TMEM132C: variants seen among roughly 807,000 people sequenced by gnomAD.
The protein encoded by TMEM132C is protein phosphatase 1, regulatory subunit 152.
In TMEM132C, 29 loss-of-function variants were observed where a neutral mutation model predicts 61.4. The observed-to-expected ratio is 0.47, with a 90% CI of 0.35 to 0.64. TMEM132C has a LOEUF of 0.64. Among genes scored for constraint, TMEM132C ranks in the 30% least tolerant of loss-of-function variants. The pLI is 0.00. For missense variants in TMEM132C, 1,408 were observed against 1,476.9 expected, an observed-to-expected ratio of 0.95 and a Z score of 0.76; for synonymous variants, 656 against 633.1, an observed-to-expected ratio of 1.04 and a Z score of -0.54.
chr12:128,306,707 T>C (rs1025142736), intron 1 of TMEM132C, among the ~76,000 whole-genome samples: 6 of 152,236 alleles, frequency 3.9e-5, no homozygotes, highest in African/African-American at 1.4e-4. Context: ...AAGAGACCTT[T>C]GTCCACTTCC....
intron 3 of TMEM132C, among the ~76,000 whole-genome samples, chr12:128,593,743 A>T (rs1178718424): frequency 1.3e-5 from 2 of 152,074 alleles, no homozygotes; most frequent in African/African-American, 4.8e-5. Flanking sequence ...CACTCATTCC[A>T]CCAGGTTCCA....
At chr12:128,408,557 T>G (rs1616501) in intron 1 of TMEM132C, among the ~76,000 whole-genome samples, 72,714 of 152,056 alleles carry the variant, frequency 0.48, 17,839 homozygotes, top group South Asian at 0.74. Context: ...AGATGTGGCT[T>G]TTGGTTTTTA....
chr12:128,365,980 C>A (rs1345022058), intron 1 of TMEM132C, among the ~76,000 whole-genome samples: 1 of 152,200 alleles, frequency 6.6e-6, no homozygotes, highest in Non-Finnish European at 1.5e-5. Context: ...TGAAAGCCAC[C>A]CACTGCTGTA....
At chr12:128,480,739 C>G (rs912126819) in intron 2 of TMEM132C, among the ~76,000 whole-genome samples, 5 of 152,158 alleles carry the variant, frequency 3.3e-5, no homozygotes, top group African/African-American at 1.2e-4. Flanking sequence ...ACCTGAACAG[C>G]CTCCCCCTGG....
At chr12:128,497,765 C>T (rs1471867825) in intron 2 of TMEM132C, among the ~76,000 whole-genome samples, 1 of 152,174 alleles carries the variant, frequency 6.6e-6, no homozygotes, top group Non-Finnish European at 1.5e-5. Flanking sequence ...AATTCCCTGA[C>T]CCCTTGCGCT....
chr12:128,604,535 T>C (rs1593116915), intron 3 of TMEM132C, among the ~76,000 whole-genome samples: 1 of 149,852 alleles, frequency 6.7e-6, no homozygotes, highest in Admixed American at 6.6e-5. Context: ...GGATGGAAGA[T>C]AGATAGATAG....
At chr12:128,617,475 C>T (rs35784793) in intron 4 of TMEM132C, among the ~76,000 whole-genome samples, 50,138 of 152,078 alleles carry the variant, frequency 0.33, 8,435 homozygotes, top group East Asian at 0.4. Flanking sequence ...GGATGTGTTG[C>T]TCTGATTGGC....
intron 2 of TMEM132C, among the ~76,000 whole-genome samples, chr12:128,528,858 A>G (rs1440412257): frequency 1.3e-5 from 2 of 152,114 alleles, no homozygotes; most frequent in African/African-American, 4.8e-5. Flanking sequence ...CTCCATGAAC[A>G]TACCCCTGAA....
intron 1 of TMEM132C, among the ~76,000 whole-genome samples, chr12:128,366,834 G>T (rs777636960): frequency 1.9e-4 from 29 of 152,224 alleles, no homozygotes; most frequent in Non-Finnish European, 3.4e-4. Context: ...ACTAGGGAAA[G>T]AGAGTCCTGA....
At chr12:128,540,666 A>G (rs1159968367) in intron 2 of TMEM132C, among the ~76,000 whole-genome samples, 8 of 152,156 alleles carry the variant, frequency 5.3e-5, no homozygotes, top group Non-Finnish European at 1.5e-5. Context: ...GTGGACAAAT[A>G]CAAACTACTT....
chr12:128,468,492 T>A (rs996306935), intron 2 of TMEM132C, among the ~76,000 whole-genome samples: 5 of 152,004 alleles, frequency 3.3e-5, no homozygotes, highest in African/African-American at 1.2e-4. Context: ...TAATTTTGTA[T>A]TTTTTTAGTA....
chr12:128,280,853 T>C (rs1870867545), intron 1 of TMEM132C, among the ~76,000 whole-genome samples: 1 of 152,174 alleles, frequency 6.6e-6, no homozygotes, highest in African/African-American at 2.4e-5. Context: ...TCTGAACCAT[T>C]CAACCCAGTC....
intron 2 of TMEM132C, among the ~76,000 whole-genome samples, chr12:128,481,792 G>C (rs1461300563): frequency 2.0e-5 from 3 of 152,022 alleles, no homozygotes; most frequent in South Asian, 2.1e-4. Context: ...GTTGTCCCTG[G>C]CTTCCCAGCT....
At chr12:128,531,946 G>T (rs12371559) in intron 2 of TMEM132C, among the ~76,000 whole-genome samples, 2 of 152,136 alleles carry the variant, frequency 1.3e-5, no homozygotes, top group African/African-American at 4.8e-5. Flanking sequence ...AAACCAGCTC[G>T]CATTATTAAA....
At chr12:128,582,778 A>G (rs1222305844) in intron 3 of TMEM132C, among the ~76,000 whole-genome samples, 1 of 152,128 alleles carries the variant, frequency 6.6e-6, no homozygotes, top group African/African-American at 2.4e-5. Flanking sequence ...AGTCTCAGGT[A>G]TGTCTTTATC....
chr12:128,375,505 C>T (rs573225486), intron 1 of TMEM132C, among the ~76,000 whole-genome samples: 2 of 152,172 alleles, frequency 1.3e-5, no homozygotes, highest in South Asian at 2.1e-4. Flanking sequence ...ATGAAGTTTC[C>T]CTCCGTGTCT....
chr12:128,385,802 G>T (rs1874560456), intron 1 of TMEM132C, among the ~76,000 whole-genome samples: 1 of 152,190 alleles, frequency 6.6e-6, no homozygotes, highest in Admixed American at 6.5e-5. Context: ...ACTAGGGAAG[G>T]ACATTTGATC....
intron 1 of TMEM132C, among the ~76,000 whole-genome samples, chr12:128,399,681 G>A (rs558132692): frequency 1.6e-4 from 25 of 152,156 alleles, no homozygotes; most frequent in African/African-American, 5.5e-4. Flanking sequence ...AACATGACTC[G>A]GAAAGACTTC....
intron 3 of TMEM132C, among the ~76,000 whole-genome samples, chr12:128,575,039 A>G (rs1875038407): frequency 6.6e-6 from 1 of 152,172 alleles, no homozygotes; most frequent in Non-Finnish European, 1.5e-5. Context: ...TATGCACTAC[A>G]ATTCCTCGCT....
Sources: allele counts gnomAD v4.1 joint callset (sites outside exome capture counted in the v4.1 genomes callset), GRCh38; gene constraint gnomAD v4.1.1; transcripts MANE v1.5; gene names NCBI Gene and HGNC (gene_info 2026-07-23, HGNC 2026-07-21).